Variants in PPP2R1B observed in about 807,000 individuals in gnomAD.
PPP2R1B encodes the protein protein phosphatase 2 scaffold subunit Abeta, also known as serine/threonine-protein phosphatase 2A 65 kDa regulatory subunit A beta isoform.
In PPP2R1B, 58 loss-of-function variants were observed where a neutral mutation model predicts 72.7. The ratio of observed to expected loss-of-function variants is 0.80; its 90% CI spans 0.65 to 0.99. The LOEUF (loss-of-function observed/expected upper bound fraction) is 0.99, where lower values mean the gene tolerates loss of function less well. PPP2R1B is among the 50% of genes least tolerant of loss of function. The pLI is 0.00. For missense variants in PPP2R1B, 695 were observed against 733.6 expected (o/e 0.95, Z 0.61); for synonymous variants, 256 against 264.6 (o/e 0.97, Z 0.32).
chr11:111,753,411 T>C (rs2136081722), intron 9 of PPP2R1B, 32 bp downstream of exon 9: 2 of 1,591,632 alleles, frequency 1.3e-6, no homozygotes, highest in Non-Finnish European at 1.7e-6. Context: ...CAAATTACTA[T>C]CAAAGGCAAC....
At chr11:111,720,672 G>A in the PPP2R1B span, 1 of 1,614,076 alleles carries the variant, frequency 6.2e-7, no homozygotes, top group Non-Finnish European at 8.5e-7. Flanking sequence ...AGCCATGCAG[G>A]CTCTGAGCTC....
At chr11:111,730,400 G>A (rs1944147610) in intron 15 of PPP2R1B, 1 of 152,196 alleles carries the variant, frequency 6.6e-6, no homozygotes, top group Admixed American at 6.5e-5. Flanking sequence ...GGAAAGAAGT[G>A]GAGAGAAAGG....
intron 10 of PPP2R1B, 64 bp downstream of exon 10, chr11:111,752,095 C>T (rs1555048083): frequency 6.7e-7 from 1 of 1,485,964 alleles, no homozygotes; most frequent in African/African-American, 1.4e-5. Context: ...AGGCCTCCTA[C>T]TTGCCATGGT....
intron 15 of PPP2R1B, among the ~76,000 whole-genome samples, chr11:111,732,701 T>TAAAC (rs971666037): frequency 9.2e-5 from 14 of 152,018 alleles, no homozygotes; most frequent in Admixed American, 7.2e-4. Context: ...AAAAAACAAA[T>TAAAC]AAACAAACAA....
At chr11:111,735,299 C>A (rs1944307023), downstream of PPP2R1B, 1 of 152,246 alleles carries the variant, frequency 6.6e-6, no homozygotes, top group Non-Finnish European at 1.5e-5. Flanking sequence ...GGCATGGAGA[C>A]TGAATGTCCC....
At chr11:111,728,237 A>C (rs553877289) in intron 15 of PPP2R1B, 42 of 152,160 alleles carry the variant, frequency 2.8e-4, no homozygotes, top group African/African-American at 1.0e-3. Context: ...CGTAAGTTGG[A>C]GTCATTGTAC....
the PPP2R1B span, among the ~76,000 whole-genome samples, chr11:111,709,836 T>C: frequency 6.6e-6 from 1 of 152,176 alleles, no homozygotes; most frequent in African/African-American, 2.4e-5. Context: ...TCACAGTCAG[T>C]TGTAGTAGTC....
At position 111,742,576 on chromosome 11, in the gene PPP2R1B, A is replaced by G; in HGVS notation, c.1644T>C (p.Val548=). The change falls in exon 13 of 15, where the codon GTT becomes GTC. Residue 548 remains valine, a synonymous_variant. Transcript: ENST00000527614. The stretch of plus-strand genomic sequence containing the variant: ...GTAGAGATTTGGCCACATTGAAGCG[A>G]ACATTTGCTACTTGGTCTCCTGCCA... ...LKMAGDQVAN[V]RFNVAKSLQK... 1 of 1,613,948 alleles carries G rather than the reference A, an allele frequency of 6.2e-7. No individual in the cohort carries two copies. Among genetic ancestry groups the G allele is most frequent in the South Asian group, 1.1e-5 (1 of 91,076 alleles).
the PPP2R1B span, among the ~76,000 whole-genome samples, chr11:111,719,335 G>A: frequency 2.3e-5 from 3 of 127,980 alleles, no homozygotes; most frequent in Admixed American, 8.1e-5. Context: ...TGAAAAAATA[G>A]AAGAATCTTG....
At chr11:111,734,949 G>A (rs1220563087), downstream of PPP2R1B, among the ~76,000 whole-genome samples, 2 of 152,204 alleles carry the variant, frequency 1.3e-5, no homozygotes, top group Admixed American at 1.3e-4. Flanking sequence ...CCAGCCTCAG[G>A]CCCAGAACAG....
downstream of PPP2R1B, chr11:111,737,798 T>C (rs914917881): frequency 7.6e-6 from 10 of 1,312,484 alleles, no homozygotes; most frequent in African/African-American, 1.3e-4. Flanking sequence ...ATCGGGCCTT[T>C]TGGTGTCCAC....
the PPP2R1B span, chr11:111,703,199 A>G: frequency 6.2e-7 from 1 of 1,613,760 alleles, no homozygotes; most frequent in Non-Finnish European, 8.5e-7. Context: ...TGTGTTTTCT[A>G]TAGATTGCGA....
downstream of PPP2R1B, among the ~76,000 whole-genome samples, chr11:111,734,117 T>C (rs1944273641): frequency 6.6e-6 from 1 of 152,214 alleles, no homozygotes; most frequent in South Asian, 2.1e-4. Context: ...AAATGCAGCC[T>C]GGCCTGGCAC....
chr11:111,723,835 TCCA>T (rs776619246), downstream of PPP2R1B: 25 of 911,474 alleles, frequency 2.7e-5, no homozygotes, highest in African/African-American at 4.2e-5. Context: ...CACCACCCCC[TCCA>T]CCACCACGAC....
chr11:111,706,094 G>A, the PPP2R1B span, among the ~76,000 whole-genome samples: 1 of 152,158 alleles, frequency 6.6e-6, no homozygotes, highest in Admixed American at 6.5e-5. Flanking sequence ...AGTTTCTTAA[G>A]GTCTTTTTGT....
At chr11:111,745,595 T>C (rs1944679567) in intron 11 of PPP2R1B, among the ~76,000 whole-genome samples, 1 of 152,270 alleles carries the variant, frequency 6.6e-6, no homozygotes, top group East Asian at 1.9e-4. Flanking sequence ...TTTCTGTCTC[T>C]TTCTCTCTCC....
intron 1 of PPP2R1B, among the ~76,000 whole-genome samples, chr11:111,765,607 G>A (rs1014561750): frequency 2.0e-5 from 3 of 152,170 alleles, no homozygotes; most frequent in Non-Finnish European, 4.4e-5. Flanking sequence ...ACTCAGAAGG[G>A]ACCGGAAGAG....
the PPP2R1B span, among the ~76,000 whole-genome samples, chr11:111,706,536 T>A: frequency 3.9e-5 from 6 of 152,224 alleles, no homozygotes; most frequent in Non-Finnish European, 5.9e-5. Context: ...TCTTTGGCAG[T>A]TTTACAAAAT....
intron 1 of PPP2R1B, chr11:111,765,964 G>A (rs1945516561): frequency 5.3e-6 from 3 of 563,240 alleles, no homozygotes; most frequent in Non-Finnish European, 1.0e-5. Context: ...GCCCGGATGG[G>A]GCGCCCAGGC....
Sources: allele counts gnomAD v4.1 joint callset (sites outside exome capture counted in the v4.1 genomes callset), GRCh38; gene constraint gnomAD v4.1.1; transcripts MANE v1.5; gene names NCBI Gene and HGNC (gene_info 2026-07-23, HGNC 2026-07-21).